The following SLCO1B3 variants were observed in gnomAD, a reference collection of about 807,000 sequenced individuals.
SLCO1B3 encodes the protein solute carrier organic anion transporter family member 1B3.
A neutral mutation model predicts 71.8 loss-of-function variants in SLCO1B3; 72 were observed. That is an observed-to-expected ratio of 1.00 (90% CI 0.83 to 1.22). SLCO1B3 has a LOEUF of 1.22. Among genes scored for constraint, SLCO1B3 ranks in the 50% most tolerant of loss-of-function variants. The pLI is 0.00. For missense variants in SLCO1B3, 911 were observed against 819.7 expected (o/e 1.11, Z -1.36); for synonymous variants, 298 against 278.4 (o/e 1.07, Z -0.70).
chr12:20,859,496 T>A (rs7313981), intron 5 of SLCO1B3, among the ~76,000 whole-genome samples: 11 of 147,072 alleles, frequency 7.5e-5, no homozygotes, highest in East Asian at 4.1e-4. Context: ...TTTTTCCCCC[T>A]CTACATTTGG....
intron 15 of SLCO1B3, among the ~76,000 whole-genome samples, chr12:20,907,323 C>T (rs939520594): frequency 6.6e-6 from 1 of 152,122 alleles, no homozygotes; most frequent in Admixed American, 6.5e-5. Flanking sequence ...CAGCAGCCCA[C>T]AGACATTCTC....
At chr12:20,826,589 C>A (rs1864426934) in intron 3 of SLCO1B3, among the ~76,000 whole-genome samples, 1 of 151,410 alleles carries the variant, frequency 6.6e-6, no homozygotes, top group South Asian at 2.1e-4. Flanking sequence ...TTCTTACAAA[C>A]CTTATTACAA....
chr12:20,849,690 G>A (rs201351320), intron 3 of SLCO1B3, among the ~76,000 whole-genome samples: 1 of 105,710 alleles, frequency 9.5e-6, no homozygotes, highest in Non-Finnish European at 2.2e-5. Flanking sequence ...AATAAATAAA[G>A]AAAAATTACA....
intron 3 of SLCO1B3, among the ~76,000 whole-genome samples, chr12:20,820,601 C>G (rs148706694): frequency 1.3e-5 from 2 of 152,066 alleles, no homozygotes; most frequent in Non-Finnish European, 2.9e-5. Flanking sequence ...TGTTTTATTA[C>G]TGTACACCTT....
At chr12:20,907,315 G>C (rs10841699) in intron 15 of SLCO1B3, among the ~76,000 whole-genome samples, 110,902 of 151,886 alleles carry the variant, frequency 0.73, 43,936 homozygotes, top group South Asian at 0.94. Flanking sequence ...GCAGCATTCA[G>C]CAGCCCACAG....
intron 8 of SLCO1B3, among the ~76,000 whole-genome samples, chr12:20,868,489 C>T (rs1014808241): frequency 3.3e-5 from 5 of 152,154 alleles, no homozygotes; most frequent in African/African-American, 1.2e-4. Context: ...CCCTATTTCC[C>T]CTTTCCCACA....
Position 20,916,102 on chromosome 12 carries a change from A to T in SLCO1B3, c.1964A>T (p.Asp655Val). The T allele has an allele frequency of 1.2e-6, 2 of 1,613,472 alleles. No individual in the cohort carries two copies. The highest frequency in any genetic ancestry group is 8.5e-7 in the Non-Finnish European group (1 of 1,179,580). ...FAMKKKFQGK[D>V]TKASDNERKV... ...ATGAAGAAAAAATTTCAAGGAAAAGATACCAAGGCATCGGACAATGAAAGA... is the reference window on the plus strand; with the variant it reads ...ATGAAGAAAAAATTTCAAGGAAAAGTTACCAAGGCATCGGACAATGAAAGA... Residue 655 changes from aspartate to valine, a missense_variant, in exon 16 of 16, where the codon GAT becomes GTT. Transcript: ENST00000381545.
chr12:20,891,776 T>C lies in SLCO1B3; in HGVS notation c.1683-6660T>C, dbSNP rs565486592. Among the ~76,000 whole-genome samples, 33 of 152,246 alleles carry C rather than the reference T, an allele frequency of 2.2e-4. No individual in the cohort carries two copies. The East Asian group carries it at 5.2e-3, about 24-fold the overall frequency. ...AAGTTTATTTGAAAGACCTGTCTTCTAGCTCTGAAATTGTTTATTCTGCTT... is the reference window on the plus strand; with the variant it reads ...AAGTTTATTTGAAAGACCTGTCTTCCAGCTCTGAAATTGTTTATTCTGCTT... On this transcript the variant is annotated intron_variant, in intron 13 of 15. Coordinates refer to ENST00000381545, the MANE Select transcript of SLCO1B3 (RefSeq NM_019844.4).
At chr12:20,834,108 TG>T (rs1208056191) in intron 3 of SLCO1B3, among the ~76,000 whole-genome samples, 41 of 145,878 alleles carry the variant, frequency 2.8e-4, no homozygotes, top group African/African-American at 9.1e-4. Context: ...AATATATAAA[TG>T]CATACATAGA....
intron 3 of SLCO1B3, among the ~76,000 whole-genome samples, chr12:20,819,933 A>G (rs1442738897): frequency 1.3e-5 from 2 of 152,144 alleles, no homozygotes; most frequent in Admixed American, 1.3e-4. Context: ...ATGCGGCTGT[A>G]GTCCAGGAAT....
chr12:20,812,078 T>C (rs1864119272), intron 1 of SLCO1B3, among the ~76,000 whole-genome samples: 1 of 152,046 alleles, frequency 6.6e-6, no homozygotes, highest in African/African-American at 2.4e-5. Context: ...CAGCTAATTT[T>C]GTATTTTTGG....
chr12:20,866,424 C>G (rs1052239924), intron 8 of SLCO1B3, among the ~76,000 whole-genome samples: 1 of 151,054 alleles, frequency 6.6e-6, no homozygotes, highest in African/African-American at 2.4e-5. Context: ...TATGTAGATG[C>G]AAGATTGCTA....
intron 12 of SLCO1B3, 82 bp downstream of exon 12, chr12:20,881,102 A>G: frequency 1.0e-6 from 1 of 984,824 alleles, no homozygotes; most frequent in Non-Finnish European, 1.5e-6. Context: ...AAATCTTCCT[A>G]TAACTAAGGT....
At chr12:20,851,227 C>T (rs944892577) in intron 3 of SLCO1B3, among the ~76,000 whole-genome samples, 4 of 152,030 alleles carry the variant, frequency 2.6e-5, no homozygotes, top group African/African-American at 9.7e-5. Flanking sequence ...CTGCTTGTAA[C>T]TTTTTTGTGA....
rs531924425 is a variant in SLCO1B3 at position 20,852,796 on chromosome 12, G to A, written c.85-2232G>A. Among the ~76,000 whole-genome samples the A allele has an allele frequency of 2.0e-5, 3 of 152,076 alleles. No homozygotes were observed. The South Asian group carries it at 6.2e-4, about 32-fold the overall frequency. ...ATGTTGATTTGTGTCCTGCAACTTT[G>A]CTAAATGTGTTTATTTTTTCTAAAT... On this transcript the variant is annotated intron_variant, in intron 3 of 15. Coordinates refer to ENST00000381545, the MANE Select transcript of SLCO1B3 (RefSeq NM_019844.4).
intron 15 of SLCO1B3, among the ~76,000 whole-genome samples, chr12:20,906,155 T>C (rs1443949526): frequency 2.6e-5 from 4 of 152,034 alleles, no homozygotes; most frequent in Non-Finnish European, 5.9e-5. Flanking sequence ...AAATCCAAAC[T>C]ATATCAATCA....
chr12:20,884,406 T>A (rs902292500), intron 13 of SLCO1B3, among the ~76,000 whole-genome samples: 2 of 152,126 alleles, frequency 1.3e-5, no homozygotes, highest in Non-Finnish European at 2.9e-5. Context: ...AGAAGTGACA[T>A]TATATCTAAA....
chr12:20,885,033 A>T (rs959106638), intron 13 of SLCO1B3, among the ~76,000 whole-genome samples: 1 of 152,158 alleles, frequency 6.6e-6, no homozygotes. Context: ...GCCTCTCAAC[A>T]TGTTTTAGCT....
intron 3 of SLCO1B3, among the ~76,000 whole-genome samples, chr12:20,817,956 T>C (rs995371913): frequency 2.6e-5 from 4 of 152,066 alleles, no homozygotes; most frequent in Non-Finnish European, 5.9e-5. Context: ...TGTGATGGCT[T>C]GGAGAAACGG....
Sources: allele counts gnomAD v4.1 joint callset (sites outside exome capture counted in the v4.1 genomes callset), GRCh38; gene constraint gnomAD v4.1.1; transcripts MANE v1.5; gene names NCBI Gene and HGNC (gene_info 2026-07-23, HGNC 2026-07-21).